ANKFN1: variants seen among roughly 807,000 people sequenced by gnomAD.
ANKFN1 encodes ankyrin repeat and fibronectin type III domain containing 1.
ANKFN1 carries 74 observed loss-of-function variants against 108.7 expected under a neutral mutation model. The ratio of observed to expected loss-of-function variants is 0.68; its 90% CI spans 0.56 to 0.83. The LOEUF is 0.83. Among genes scored for constraint, ANKFN1 ranks in the 40% least tolerant of loss-of-function variants. The probability of loss-of-function intolerance (pLI) is 0.00; values close to 1 mark genes in which losing one functional copy is unlikely to be tolerated. For missense variants in ANKFN1, 1,505 were observed against 1,382.3 expected, an observed-to-expected ratio of 1.09 and a Z score of -1.41; for synonymous variants, 547 against 516.2, an observed-to-expected ratio of 1.06 and a Z score of -0.81.
At chr17:56,047,363 G>A (rs1395691172) in intron 4 of ANKFN1, among the ~76,000 whole-genome samples, 4 of 152,146 alleles carry the variant, frequency 2.6e-5, no homozygotes, top group Non-Finnish European at 5.9e-5. Flanking sequence ...GGGGAAAGGG[G>A]GAGAACGAAG....
At chr17:56,489,472 A>G (rs962920257) in intron 18 of ANKFN1, among the ~76,000 whole-genome samples, 3 of 149,386 alleles carry the variant, frequency 2.0e-5, no homozygotes, top group Non-Finnish European at 4.5e-5. Context: ...AAAAAAAACC[A>G]CAAGAGCGGG....
chr17:56,048,815 C>T (rs1236806563), intron 4 of ANKFN1, among the ~76,000 whole-genome samples: 12 of 152,308 alleles, frequency 7.9e-5, no homozygotes, highest in Admixed American at 2.0e-4. Flanking sequence ...GCCTTGGGGC[C>T]TCTGTCTTCC....
chr17:56,079,873 G>GAGGT (rs1375446560), intron 4 of ANKFN1, among the ~76,000 whole-genome samples: 1 of 152,268 alleles, frequency 6.6e-6, no homozygotes, highest in East Asian at 1.9e-4. Context: ...TGTAAGGTGG[G>GAGGT]AGGTACTCTC....
At chr17:56,303,538 G>A (rs17820092) in intron 3 of ANKFN1, among the ~76,000 whole-genome samples, 16,763 of 152,186 alleles carry the variant, frequency 0.11, 979 homozygotes, top group African/African-American at 0.16. Context: ...TGGGAGGTAT[G>A]TTAAAGGAGG....
At chr17:56,316,371 A>C (rs2144479844) in intron 3 of ANKFN1, among the ~76,000 whole-genome samples, 1 of 152,280 alleles carries the variant, frequency 6.6e-6, no homozygotes, top group African/African-American at 2.4e-5. Context: ...TTCCATTTGT[A>C]AAATGGAGGA....
At chr17:56,100,582 C>A (rs1447149595) in intron 4 of ANKFN1, among the ~76,000 whole-genome samples, 3 of 152,172 alleles carry the variant, frequency 2.0e-5, no homozygotes, top group Admixed American at 6.5e-5. Flanking sequence ...ATAATGATAG[C>A]TCTTGGCCTT....
Position 56,353,965 on chromosome 17 carries a change from C to T in ANKFN1, c.520C>T (p.Pro174Ser). ...CACACCTAACAGCGAGGGCTTGACA[C>T]CCCTGGATATTGCCATCATGACCAA... is the stretch of plus-strand genomic sequence containing the variant. ...LNTPNSEGLT[P>S]LDIAIMTNNV... The change falls in exon 6 of 21, where the codon CCC (proline) becomes TCC (serine). Residue 174 changes from proline to serine, a missense_variant. Transcript: ENST00000682825. 7 of 1,613,992 alleles carry T rather than the reference C, an allele frequency of 4.3e-6. No individual in the cohort carries two copies. Among genetic ancestry groups the T allele is most frequent in the South Asian group, 1.1e-5 (1 of 91,086 alleles).
At chr17:56,379,132 T>A (rs745330079) in intron 8 of ANKFN1, among the ~76,000 whole-genome samples, 36 of 152,104 alleles carry the variant, frequency 2.4e-4, no homozygotes, top group Admixed American at 5.9e-4. Flanking sequence ...GGCGCGGTGG[T>A]TCATGCCTAT....
At chr17:56,053,813 T>G (rs1307632147) in intron 4 of ANKFN1, among the ~76,000 whole-genome samples, 4 of 152,172 alleles carry the variant, frequency 2.6e-5, no homozygotes, top group Non-Finnish European at 5.9e-5. Context: ...TTCACCAGCA[T>G]TTGATGTTGG....
At chr17:56,476,659 G>A (rs1450718961) in intron 15 of ANKFN1, among the ~76,000 whole-genome samples, 1 of 152,106 alleles carries the variant, frequency 6.6e-6, no homozygotes, top group African/African-American at 2.4e-5. Context: ...GACCAGTTAA[G>A]GATTTGAAAA....
At chr17:56,202,009 A>T (rs541903919) in intron 1 of ANKFN1, among the ~76,000 whole-genome samples, 1 of 152,194 alleles carries the variant, frequency 6.6e-6, no homozygotes, top group Non-Finnish European at 1.5e-5. Context: ...TCTGCCAGAG[A>T]TGCTTCTGGA....
chr17:56,221,606 C>T (rs1598264455), intron 2 of ANKFN1, among the ~76,000 whole-genome samples: 1 of 152,104 alleles, frequency 6.6e-6, no homozygotes, highest in East Asian at 1.9e-4. Flanking sequence ...TCAAGATATA[C>T]AGAAGTCCAA....
intron 4 of ANKFN1, among the ~76,000 whole-genome samples, chr17:56,343,056 T>C (rs935280704): frequency 6.6e-5 from 10 of 152,048 alleles, no homozygotes; most frequent in African/African-American, 2.4e-4. Context: ...GTAATGTCTT[T>C]CTTGGTTTTT....
At chr17:56,226,875 C>T (rs1313239540) in intron 2 of ANKFN1, among the ~76,000 whole-genome samples, 1 of 152,008 alleles carries the variant, frequency 6.6e-6, no homozygotes, top group Non-Finnish European at 1.5e-5. Context: ...TTTATTTAAC[C>T]TTTATGGCAA....
chr17:56,143,852 A>G (rs866230851), intron 4 of ANKFN1, among the ~76,000 whole-genome samples: 4 of 152,172 alleles, frequency 2.6e-5, no homozygotes, highest in African/African-American at 9.6e-5. Flanking sequence ...ACCAGAAGCC[A>G]GGAGAGAGGC....
At chr17:56,079,468 C>T (rs1399475375) in intron 4 of ANKFN1, among the ~76,000 whole-genome samples, 3 of 152,284 alleles carry the variant, frequency 2.0e-5, no homozygotes, top group African/African-American at 4.8e-5. Context: ...GCACAAGCTC[C>T]TGGAAGCTGA....
intron 8 of ANKFN1, among the ~76,000 whole-genome samples, chr17:56,383,341 G>A (rs2047162147): frequency 6.6e-6 from 1 of 151,892 alleles, no homozygotes. Context: ...TGTGTAGAGG[G>A]AAATTTATAG....
intron 8 of ANKFN1, among the ~76,000 whole-genome samples, chr17:56,408,475 G>A (rs2047988871): frequency 6.6e-6 from 1 of 151,980 alleles, no homozygotes; most frequent in South Asian, 2.1e-4. Context: ...GAAAATGGTG[G>A]ACGCTCTTAT....
intron 3 of ANKFN1, among the ~76,000 whole-genome samples, chr17:56,296,086 A>C (rs2044502018): frequency 6.6e-6 from 1 of 151,148 alleles, no homozygotes; most frequent in African/African-American, 2.4e-5. Flanking sequence ...TTTTTTTTTC[A>C]AATTAAGGTA....
Sources: allele counts gnomAD v4.1 joint callset (sites outside exome capture counted in the v4.1 genomes callset), GRCh38; gene constraint gnomAD v4.1.1; transcripts MANE v1.5; gene names NCBI Gene and HGNC (gene_info 2026-07-23, HGNC 2026-07-21).